The following NTM variants were observed in gnomAD, a reference collection of about 807,000 sequenced individuals.
NTM encodes neurotrimin.
Under a neutral mutation model 42.1 loss-of-function variants are expected in NTM, and 13 were observed. That is an observed-to-expected ratio of 0.31 (90% CI 0.20 to 0.49). The LOEUF (loss-of-function observed/expected upper bound fraction) is 0.49. NTM is among the 20% of genes least tolerant of loss of function. The probability of loss-of-function intolerance (pLI) is 0.99; values close to 1 mark genes in which losing one functional copy is unlikely to be tolerated. For missense variants in NTM, 373 were observed against 452.8 expected (o/e 0.82, Z 1.60); for synonymous variants, 187 against 179.2 (o/e 1.04, Z -0.35).
intron 2 of NTM, among the ~76,000 whole-genome samples, chr11:131,943,922 G>GA (rs5795749): frequency 1.4e-4 from 21 of 150,984 alleles, no homozygotes; most frequent in African/African-American, 3.2e-4. Context: ...TTTCTAAAAG[G>GA]AAAAAAAAAA....
At chr11:132,172,714 G>T (rs80032871) in intron 3 of NTM, among the ~76,000 whole-genome samples, 3,160 of 152,258 alleles carry the variant, frequency 0.021, 92 homozygotes, top group African/African-American at 0.069. Flanking sequence ...TTGAAAATGG[G>T]TGTAGGACCC....
intron 1 of NTM, among the ~76,000 whole-genome samples, chr11:131,376,087 T>C (rs1941934244): frequency 6.6e-6 from 1 of 152,210 alleles, no homozygotes; most frequent in Admixed American, 6.5e-5. Context: ...CTCTGCTTCA[T>C]GCAGGCTTGC....
At chr11:132,150,788 G>C (rs1157496437) in intron 3 of NTM, among the ~76,000 whole-genome samples, 2 of 152,078 alleles carry the variant, frequency 1.3e-5, no homozygotes, top group Non-Finnish European at 2.9e-5. Context: ...GACTCCACCA[G>C]GACACTGAGA....
chr11:131,929,746 C>T (rs1430660863), intron 2 of NTM, among the ~76,000 whole-genome samples: 1 of 152,104 alleles, frequency 6.6e-6, no homozygotes, highest in African/African-American at 2.4e-5. Flanking sequence ...TGAAGGTTTC[C>T]TCGAAGGATC....
chr11:132,222,386 A>T (rs2085346387), intron 4 of NTM, among the ~76,000 whole-genome samples: 1 of 152,104 alleles, frequency 6.6e-6, no homozygotes, highest in Non-Finnish European at 1.5e-5. Flanking sequence ...TTATTAGAAG[A>T]TTGTTTTATA....
chr11:131,447,329 G>T (rs1291020154), intron 1 of NTM, among the ~76,000 whole-genome samples: 1 of 152,128 alleles, frequency 6.6e-6, no homozygotes, highest in African/African-American at 2.4e-5. Flanking sequence ...TCTTGTCAGA[G>T]TTCACGTGCT....
intron 1 of NTM, among the ~76,000 whole-genome samples, chr11:131,685,599 G>A (rs2073760905): frequency 6.6e-6 from 1 of 152,180 alleles, no homozygotes; most frequent in Admixed American, 6.5e-5. Context: ...CAAGTGAATA[G>A]CTCCTTCACT....
chr11:132,310,056 C>CAAAAAAA, intron 5 of NTM, 56 bp from the exon 6 acceptor site: 5 of 1,316,916 alleles, frequency 3.8e-6, no homozygotes, highest in East Asian at 3.1e-5. Flanking sequence ...GACTCCATCT[C>CAAAAAAA]AAAAAAAAAA....
intron 2 of NTM, among the ~76,000 whole-genome samples, chr11:131,938,913 T>G (rs904216650): frequency 3.3e-5 from 5 of 151,406 alleles, no homozygotes; most frequent in Non-Finnish European, 5.9e-5. Context: ...ACTGGTGGAG[T>G]AGGTGGGAAG....
At chr11:131,684,617 G>T (rs1425185148) in intron 1 of NTM, among the ~76,000 whole-genome samples, 1 of 152,210 alleles carries the variant, frequency 6.6e-6, no homozygotes, top group East Asian at 1.9e-4. Context: ...GTGGACATTT[G>T]GCCCAGTCCC....
At chr11:131,656,943 C>T (rs1241040982) in intron 1 of NTM, among the ~76,000 whole-genome samples, 1 of 151,944 alleles carries the variant, frequency 6.6e-6, no homozygotes, top group Non-Finnish European at 1.5e-5. Context: ...CGTGAGCCAC[C>T]GTGGTGGTCT....
intron 1 of NTM, among the ~76,000 whole-genome samples, chr11:131,599,101 G>A (rs558126614): frequency 6.6e-6 from 1 of 151,986 alleles, no homozygotes; most frequent in Non-Finnish European, 1.5e-5. Flanking sequence ...TTGTAGTAGA[G>A]ATGGGGTTTC....
At position 132,186,820 on chromosome 11, in the gene NTM, A is replaced by G. The variant is rs991573724; in HGVS notation, c.401-25202A>G. Among the ~76,000 whole-genome samples, 4 of 152,202 alleles carry G rather than the reference A, an allele frequency of 2.6e-5. No homozygotes were observed. In the East Asian group the frequency reaches 5.8e-4, roughly 22 times the overall value. On this transcript the variant is annotated intron_variant, in intron 3 of 8. Transcript: ENST00000683400. ...AATGCACCAGGGATAGGACTCTTGC[A>G]GGTTTGCCCTTCTTCCAGTTCTCAT...
chr11:131,857,809 C>T lies in NTM; in HGVS notation c.83-53755C>T, dbSNP rs574225582. On this transcript the variant is annotated intron_variant, in intron 1 of 8. Transcript: ENST00000683400. ...GTCTCCTTATCTCCTGGCTCACCCA[C>T]CTCCAATCATCCTCCCTGCACCCTC... 1.7e-3 allele frequency among the ~76,000 whole-genome samples: 265 copies of T among 152,272 alleles called. 1 individual carries two copies. The highest frequency in any genetic ancestry group is 5.8e-3 in the African/African-American group (241 of 41,548).
intron 1 of NTM, among the ~76,000 whole-genome samples, chr11:131,683,429 G>C (rs2073318202): frequency 6.6e-6 from 1 of 152,218 alleles, no homozygotes; most frequent in Non-Finnish European, 1.5e-5. Flanking sequence ...GGGAAATGAA[G>C]GGATAATGCA....
chr11:131,382,857 A>C (rs892422277), intron 1 of NTM, among the ~76,000 whole-genome samples: 2 of 152,224 alleles, frequency 1.3e-5, no homozygotes, highest in African/African-American at 4.8e-5. Context: ...ACTGTTACTT[A>C]GCAGATTTTG....
At chr11:132,230,516 C>T (rs1415919770) in intron 4 of NTM, among the ~76,000 whole-genome samples, 4 of 152,162 alleles carry the variant, frequency 2.6e-5, no homozygotes, top group Admixed American at 2.0e-4. Context: ...AGGACCTGGG[C>T]CTGGAGCTTA....
At chr11:131,899,991 T>C (rs1385416079) in intron 1 of NTM, among the ~76,000 whole-genome samples, 1 of 152,230 alleles carries the variant, frequency 6.6e-6, no homozygotes, top group Non-Finnish European at 1.5e-5. Context: ...CCAATTATGT[T>C]CCAGGCATTG....
chr11:131,532,711 G>A (rs1045935538), intron 1 of NTM, among the ~76,000 whole-genome samples: 8 of 152,320 alleles, frequency 5.3e-5, no homozygotes, highest in Admixed American at 3.9e-4. Context: ...CTGGTTTCTC[G>A]ACATCCTCAG....
Sources: gnomAD v4.1 joint callset for allele counts (sites outside exome capture counted in the v4.1 genomes callset) on GRCh38, gnomAD v4.1.1 for gene constraint, MANE v1.5 for transcripts, NCBI Gene and HGNC (gene_info 2026-07-23, HGNC 2026-07-21) for gene names.